FCHSD2: variants seen among roughly 807,000 people sequenced by gnomAD.
FCHSD2 encodes the protein F-BAR and double SH3 domains protein 2.
In FCHSD2, 38 loss-of-function variants were observed where a neutral mutation model predicts 108.1. That is an observed-to-expected ratio of 0.35 (90% CI 0.27 to 0.46). The LOEUF (loss-of-function observed/expected upper bound fraction) is 0.46, where lower values mean the gene tolerates loss of function less well. FCHSD2 is among the 20% of genes least tolerant of loss of function. FCHSD2 has a pLI of 1.00. For missense variants in FCHSD2, 751 were observed against 897.8 expected, an observed-to-expected ratio of 0.84 and a Z score of 2.09; for synonymous variants, 279 against 314.7, an observed-to-expected ratio of 0.89 and a Z score of 1.20.
chr11:72,987,268 C>A (rs1211670606), intron 6 of FCHSD2, among the ~76,000 whole-genome samples: 1 of 152,182 alleles, frequency 6.6e-6, no homozygotes, highest in Non-Finnish European at 1.5e-5. Context: ...ACTCATTCCT[C>A]AAGATTCTAT....
At chr11:72,987,948 T>A (rs746340521) in intron 6 of FCHSD2, among the ~76,000 whole-genome samples, 4 of 152,170 alleles carry the variant, frequency 2.6e-5, no homozygotes, top group Admixed American at 6.5e-5. Context: ...ATAAATACAA[T>A]AAAACAAATT....
rs915383022 is a variant in FCHSD2, at chr11:73,124,014, T to C, written c.119+16017A>G. 2.4e-4 allele frequency among the ~76,000 whole-genome samples: 36 copies of C among 152,188 alleles called. 1 individual carries two copies. The highest frequency in any genetic ancestry group is 8.2e-4 in the African/African-American group (34 of 41,442). The stretch of plus-strand genomic sequence containing the variant: ...AGCTTTCTGCATATGGCAACCCAAA[T>C]GTCCATCAATGATAGACTGGATTAA... On this transcript the variant is annotated intron_variant, in intron 2 of 19. Coordinates refer to ENST00000409418, the MANE Select transcript of FCHSD2 (RefSeq NM_014824.3).
intron 2 of FCHSD2, among the ~76,000 whole-genome samples, chr11:73,093,797 G>T (rs1860012307): frequency 6.6e-6 from 1 of 152,034 alleles, no homozygotes; most frequent in South Asian, 2.1e-4. Context: ...TAGAGACAGG[G>T]TTCTTCCACG....
chr11:72,940,431 A>T lies in FCHSD2; in HGVS notation c.706-18481T>A. The T allele has an allele frequency of 4.9e-6, 3 of 617,164 alleles. No individual in the cohort carries two copies. In the South Asian group the frequency reaches 5.6e-5, roughly 12 times the overall value. 38.2% of individuals were successfully genotyped at this position (617,164 alleles called of 1,614,324 possible). ...ATATATGTAATGAGGTTAGTATAAT[A>T]TGTGGCAATAAATAGTAAATAAGCT... is the stretch of plus-strand genomic sequence containing the variant. On this transcript the variant is annotated intron_variant, in intron 8 of 19. Coordinates refer to ENST00000409418, the MANE Select transcript of FCHSD2 (RefSeq NM_014824.3).
chr11:72,986,023 A>T (rs1327651913), intron 6 of FCHSD2, among the ~76,000 whole-genome samples: 1 of 152,116 alleles, frequency 6.6e-6, no homozygotes. Context: ...TGGATGATGG[A>T]GCAGTTAGTC....
At chr11:73,021,117 T>C (rs959019649) in intron 3 of FCHSD2, among the ~76,000 whole-genome samples, 1 of 152,038 alleles carries the variant, frequency 6.6e-6, no homozygotes, top group African/African-American at 2.4e-5. Context: ...CCTCAAGTAA[T>C]GCTCCCACCT....
chr11:72,896,368 T>C (rs74868804), intron 10 of FCHSD2, among the ~76,000 whole-genome samples: 1 of 152,236 alleles, frequency 6.6e-6, no homozygotes, highest in African/African-American at 2.4e-5. Flanking sequence ...TGGACATGCA[T>C]GTTTCCCATA....
intron 8 of FCHSD2, among the ~76,000 whole-genome samples, chr11:72,928,485 C>T (rs902580329): frequency 1.3e-5 from 2 of 152,120 alleles, no homozygotes; most frequent in African/African-American, 4.8e-5. Context: ...GAATGTCCTT[C>T]CCCCCTTCTC....
chr11:73,046,035 G>A (rs114766719), intron 3 of FCHSD2, among the ~76,000 whole-genome samples: 3,754 of 149,542 alleles, frequency 0.025, 147 homozygotes, highest in African/African-American at 0.087. Context: ...TTGTCACCTA[G>A]GCTGAAGTGC....
intron 10 of FCHSD2, among the ~76,000 whole-genome samples, chr11:72,892,504 T>C (rs1164907605): frequency 6.6e-6 from 1 of 152,262 alleles, no homozygotes. Context: ...CCCAGGCTAT[T>C]AAACAATACA....
At chr11:72,877,526 A>T (rs1254969807) in intron 12 of FCHSD2, among the ~76,000 whole-genome samples, 1 of 152,154 alleles carries the variant, frequency 6.6e-6, no homozygotes, top group Non-Finnish European at 1.5e-5. Flanking sequence ...TAATATTGTC[A>T]TCTAAAATAG....
At chr11:73,080,698 CT>C (rs1195940085) in intron 3 of FCHSD2, among the ~76,000 whole-genome samples, 1 of 151,960 alleles carries the variant, frequency 6.6e-6, no homozygotes, top group African/African-American at 2.4e-5. Context: ...AATCTCAGCA[CT>C]TTCGGAGGCT....
chr11:73,063,092 G>A lies in FCHSD2; in HGVS notation c.165+20603C>T, dbSNP rs184807794. On this transcript the variant is annotated intron_variant, in intron 3 of 19. Transcript: ENST00000409418. ...CCATCAGACTAACAGTGGATGTCTCGGCAGAAACCCTACAAGCCAGAAGAG... is the reference window on the plus strand; with the variant it reads ...CCATCAGACTAACAGTGGATGTCTCAGCAGAAACCCTACAAGCCAGAAGAG... Among the ~76,000 whole-genome samples the A allele has an allele frequency of 1.8e-3, 275 of 152,230 alleles. 1 individual carries two copies. Among genetic ancestry groups the A allele is most frequent in the African/African-American group, 6.4e-3 (264 of 41,536 alleles).
chr11:73,096,377 C>CAAAAA (rs767268719), intron 2 of FCHSD2, among the ~76,000 whole-genome samples: 2 of 68,344 alleles, frequency 2.9e-5, no homozygotes, highest in Non-Finnish European at 5.6e-5. Context: ...CCTGCCTCTA[C>CAAAAA]AAAAAAAAAA....
At chr11:72,951,741 A>G (rs1030211218) in intron 8 of FCHSD2, among the ~76,000 whole-genome samples, 1 of 152,162 alleles carries the variant, frequency 6.6e-6, no homozygotes, top group African/African-American at 2.4e-5. Context: ...TCTCAATGTC[A>G]TGACTTTTAA....
intron 8 of FCHSD2, among the ~76,000 whole-genome samples, chr11:72,942,522 G>A (rs1266148183): frequency 6.6e-6 from 1 of 152,188 alleles, no homozygotes. Flanking sequence ...TGTAATACAT[G>A]CCTAGGAAAG....
chr11:73,032,483 C>T (rs1451875645), intron 3 of FCHSD2, among the ~76,000 whole-genome samples: 5 of 152,064 alleles, frequency 3.3e-5, no homozygotes, highest in Admixed American at 3.3e-4. Context: ...GACTTGGCAT[C>T]CCAAGGTGCT....
intron 8 of FCHSD2, among the ~76,000 whole-genome samples, chr11:72,936,850 G>A (rs1856312467): frequency 6.6e-6 from 1 of 152,100 alleles, no homozygotes; most frequent in Non-Finnish European, 1.5e-5. Context: ...CTTCAGACAT[G>A]GTTTCCTTTA....
intron 3 of FCHSD2, among the ~76,000 whole-genome samples, chr11:73,059,307 A>G (rs1332798069): frequency 6.6e-6 from 1 of 152,112 alleles, no homozygotes; most frequent in Non-Finnish European, 1.5e-5. Flanking sequence ...ATACCAGAAA[A>G]GGATTTTTAC....
Sources: allele counts gnomAD v4.1 joint callset (sites outside exome capture counted in the v4.1 genomes callset), GRCh38; gene constraint gnomAD v4.1.1; transcripts MANE v1.5; gene names NCBI Gene and HGNC (gene_info 2026-07-23, HGNC 2026-07-21).